The following ZNF57 variants were observed in gnomAD, a reference collection of about 807,000 sequenced individuals.
ZNF57 encodes the protein zinc finger protein 57.
Under a neutral mutation model 13.4 loss-of-function variants are expected in ZNF57, and 11 were observed. The ratio of observed to expected loss-of-function variants is 0.82; its 90% CI spans 0.52 to 1.36. The LOEUF (loss-of-function observed/expected upper bound fraction) is 1.36. ZNF57 is among the 40% of genes most tolerant of loss of function. The probability of loss-of-function intolerance (pLI) is 0.00; values close to 1 mark genes in which losing one functional copy is unlikely to be tolerated. For synonymous variants in ZNF57, 224 were observed against 238.5 expected (o/e 0.94, Z 0.56); for missense variants, 696 against 667.5 (o/e 1.04, Z -0.47).
intron 1 of ZNF57, among the ~76,000 whole-genome samples, chr19:2,905,799 G>C (rs1457053142): frequency 6.8e-6 from 1 of 148,046 alleles, no homozygotes; most frequent in African/African-American, 2.5e-5. Flanking sequence ...CCTCTACCTT[G>C]TTCTGTAGGA....
At position 2,916,911 on chromosome 19, in the gene ZNF57, T is replaced by C. The variant is rs747087079; in HGVS notation, c.303-13T>C. ...AACATACCATACATAAAAATGTCTC[T>C]CATTTTTAACAGAAATCATATGGTG... On this transcript the variant is annotated splice_polypyrimidine_tract_variant and intron_variant, in intron 3 of 3. Coordinates refer to ENST00000306908, the MANE Select transcript of ZNF57 (RefSeq NM_173480.3). The C allele has an allele frequency of 1.4e-4, 215 of 1,549,186 alleles. No homozygotes were observed. Among genetic ancestry groups the C allele is most frequent in the Non-Finnish European group, 1.8e-4 (207 of 1,148,146 alleles).
chr19:2,916,406 A>T, intron 3 of ZNF57, 157 bp downstream of exon 3: 1 of 702,912 alleles, frequency 1.4e-6, no homozygotes, highest in Non-Finnish European at 2.2e-6. Flanking sequence ...AATTTGAAAC[A>T]TAATTGTTAG....
At chr19:2,905,567 A>G (rs2088067616) in intron 1 of ZNF57, among the ~76,000 whole-genome samples, 1 of 151,438 alleles carries the variant, frequency 6.6e-6, no homozygotes, top group Admixed American at 6.6e-5. Flanking sequence ...GATCGAGACC[A>G]TCCTGGCTAA....
In ZNF57 at chr19:2,905,411, C is replaced by CG. The variant is rs1555677381; in HGVS notation, c.3+4363_3+4364insG. On this transcript the variant is annotated intron_variant, in intron 1 of 3. Transcript: ENST00000306908. ...AACTCTTGACTTCAGGTGATCGCCC[C>CG]CCCCCCCTCGGCATTCCAAAGTATT... Among the ~76,000 whole-genome samples, 7 of 68,186 alleles carry CG rather than the reference C, an allele frequency of 1.0e-4. 2 individuals carry two copies. The highest frequency in any genetic ancestry group is 5.3e-4 in the East Asian group (2 of 3,788). 44.7% of individuals were successfully genotyped at this position (68,186 alleles called of 152,430 possible).
Position 2,917,003 on chromosome 19 carries a change from AC to A in ZNF57, c.385del (p.Leu129CysfsTer87). ...AGCCATCCATCAAATGCCAGATCTT[AC>A]CCTGCACAAGAAAGTTTCTGCTGGA... ...GEAIHQMPDLTLHKKVSAGEK... is the reference protein window; with the variant it reads ...GEAIHQMPDLXLHKKVSAGEK... On this transcript the variant is annotated frameshift_variant, in exon 4 of 4. Transcript: ENST00000306908. LOFTEE classifies it low-confidence loss of function (END_TRUNC). 3.7e-6 allele frequency: 6 copies of A among 1,614,180 alleles called. No individual in the cohort carries two copies. Among genetic ancestry groups the A allele is most frequent in the Non-Finnish European group, 4.2e-6 (5 of 1,180,032 alleles).
chr19:2,907,788 A>C (rs1436079541), intron 1 of ZNF57, among the ~76,000 whole-genome samples: 2 of 152,230 alleles, frequency 1.3e-5, no homozygotes, highest in Non-Finnish European at 2.9e-5. Context: ...ATCACAGCTC[A>C]CTGAAACCTC....
At chr19:2,915,398 C>T (rs1401649755) in intron 1 of ZNF57, 124 bp from the exon 2 acceptor site, 4 of 1,291,590 alleles carry the variant, frequency 3.1e-6, no homozygotes, top group Non-Finnish European at 4.3e-6. Flanking sequence ...AAAGATCTAA[C>T]ATTCGCGTCA....
chr19:2,902,047 G>A (rs2088034755), intron 1 of ZNF57, among the ~76,000 whole-genome samples: 1 of 151,496 alleles, frequency 6.6e-6, no homozygotes, highest in Non-Finnish European at 1.5e-5. Context: ...TCACAAGGGC[G>A]AGGAGGACGT....
At position 2,918,392 on chromosome 19, in the gene ZNF57, T is replaced by A; in HGVS notation, c.*103T>A. On this transcript the variant is annotated 3_prime_UTR_variant, in exon 4 of 4. Transcript: ENST00000306908. ...GAAATCTTACAAGTATGATATTGTC[T>A]TTGTCAATACCTCATTTGTAAAACA... 7.9e-7 allele frequency: 1 copy of A among 1,266,536 alleles called. No homozygotes were observed. The highest frequency in any genetic ancestry group is 1.1e-6 in the Non-Finnish European group (1 of 924,856). The allele number at this position is 1,266,536 out of a possible 1,614,324, so 78.5% of individuals were successfully genotyped here.
At chr19:2,902,594 T>C (rs145921097) in intron 1 of ZNF57, among the ~76,000 whole-genome samples, 53 of 152,240 alleles carry the variant, frequency 3.5e-4, no homozygotes, top group African/African-American at 9.9e-4. Flanking sequence ...CAAAAAATAA[T>C]AGTTATTCTT....
chr19:2,900,950 C>G lies in ZNF57; in HGVS notation c.-96C>G, dbSNP rs1230176880. ...GTCCTCCCTGCCGCGCGTGCCCTGC[C>G]TACCACGAGCGGCCCGGGAGTACCT... On this transcript the variant is annotated 5_prime_UTR_variant, in exon 1 of 4. Transcript: ENST00000306908. The G allele has an allele frequency of 5.3e-6, 8 of 1,498,438 alleles. No homozygotes were observed. The highest frequency in any genetic ancestry group is 7.2e-6 in the Non-Finnish European group (8 of 1,107,564). The allele number at this position is 1,498,438 out of a possible 1,614,324, so 92.8% of individuals were successfully genotyped here.
chr19:2,917,594 G>C lies in ZNF57; in HGVS notation c.973G>C (p.Val325Leu), dbSNP rs1486202552. 6.2e-7 allele frequency: 1 copy of C among 1,613,534 alleles called. No individual in the cohort carries two copies. The highest frequency in any genetic ancestry group is 8.5e-7 in the Non-Finnish European group (1 of 1,179,720). ...KTFSWSETLR[V>L]HMRIHTGDKL... The stretch of plus-strand genomic sequence containing the variant: ...ATTCAGTTGGTCTGAAACCTTGCGA[G>C]TCCACATGAGGATCCACACTGGGGA... Residue 325 changes from valine (V) to leucine (L), a missense_variant, in exon 4 of 4, where the codon GTC (valine) becomes CTC (leucine). Transcript: ENST00000306908.
intron 1 of ZNF57, among the ~76,000 whole-genome samples, chr19:2,907,454 T>G (rs1000970805): frequency 1.3e-5 from 2 of 152,150 alleles, no homozygotes; most frequent in African/African-American, 4.8e-5. Flanking sequence ...CCAGCTACCC[T>G]CTTGCACTTC....
At chr19:2,901,806 C>G (rs2088032647) in intron 1 of ZNF57, among the ~76,000 whole-genome samples, 2 of 152,160 alleles carry the variant, frequency 1.3e-5, no homozygotes, top group South Asian at 4.1e-4. Flanking sequence ...CGTGAGCCAC[C>G]GCGCCCGGCA....
chr19:2,917,836 A>G lies in ZNF57; in HGVS notation c.1215A>G (p.Arg405=), dbSNP rs750140720. The G allele has an allele frequency of 2.1e-5, 34 of 1,604,070 alleles. No individual in the cohort carries two copies. Among genetic ancestry groups the G allele is most frequent in the Non-Finnish European group, 3.4e-6 (4 of 1,175,478 alleles). ...GTGGGAAGGCTTTTACCTCTTCCAGATCATTCCGAGGTCATTTGAGGACGC... is the reference window on the plus strand; with the variant it reads ...GTGGGAAGGCTTTTACCTCTTCCAGGTCATTCCGAGGTCATTTGAGGACGC... The part of the protein sequence containing the change: ...EQCGKAFTSS[R]SFRGHLRTHT... Residue 405 remains arginine (R), a synonymous_variant, in exon 4 of 4, where the codon AGA becomes AGG. Coordinates refer to ENST00000306908, the MANE Select transcript of ZNF57 (RefSeq NM_173480.3).
intron 1 of ZNF57, among the ~76,000 whole-genome samples, chr19:2,912,824 TTA>T (rs1182776270): frequency 2.0e-5 from 3 of 152,220 alleles, no homozygotes; most frequent in Non-Finnish European, 2.9e-5. Context: ...ATTTTCTTTT[TTA>T]GTTTTTTATT....
chr19:2,916,934 G>T lies in ZNF57; in HGVS notation c.313G>T (p.Val105Leu), dbSNP rs1353134877. ...DHHKNLRNHM[V>L]DRFCTHNEGN... The stretch of plus-strand genomic sequence containing the variant: ...TCTCATTTTTAACAGAAATCATATG[G>T]TGGACAGATTCTGTACACATAATGA... Residue 105 changes from valine (V) to leucine (L), a missense_variant, in exon 4 of 4, where the codon GTG (valine) becomes TTG (leucine). By Grantham distance (32) the Val-to-Leu change is conservative. This residue lies in a region of ZNF57 where 645 missense variants were observed against 591.5 expected (regional missense o/e 1.09). Coordinates refer to ENST00000306908, the MANE Select transcript of ZNF57 (RefSeq NM_173480.3). The T allele has an allele frequency of 6.3e-7, 1 of 1,575,914 alleles. No homozygotes were observed. The highest frequency in any genetic ancestry group is 1.2e-5 in the South Asian group (1 of 85,752).
Position 2,917,511 on chromosome 19 carries a change from G to C in ZNF57, c.890G>C (p.Arg297Thr), listed in dbSNP as rs61754927. The C allele has an allele frequency of 6.2e-7, 1 of 1,613,460 alleles. No homozygotes were observed. Among genetic ancestry groups the C allele is most frequent in the East Asian group, 2.2e-5 (1 of 44,838 alleles). Reference sequence around the variant, plus strand: ...TTCACTTACCCCCAGGCTTTTCAAAGACATGAGAAGACGCACACGGGAGAG... The same window carrying C: ...TTCACTTACCCCCAGGCTTTTCAAACACATGAGAAGACGCACACGGGAGAG... ...KAFTYPQAFQ[R>T]HEKTHTGEKP... Residue 297 changes from arginine to threonine, a missense_variant, in exon 4 of 4, where the codon AGA becomes ACA. Arg to Thr is a moderately conservative substitution (Grantham distance 71). Coordinates refer to ENST00000306908, the MANE Select transcript of ZNF57 (RefSeq NM_173480.3).
At chr19:2,905,015 A>G (rs888872229) in intron 1 of ZNF57, among the ~76,000 whole-genome samples, 2 of 152,188 alleles carry the variant, frequency 1.3e-5, no homozygotes, top group African/African-American at 2.4e-5. Context: ...TCCCATAGAT[A>G]GCATCTCTCC....
Sources: allele counts gnomAD v4.1 joint callset (sites outside exome capture counted in the v4.1 genomes callset), GRCh38; gene constraint gnomAD v4.1.1; regional missense constraint gnomAD v4.1.1; transcripts MANE v1.5; gene names NCBI Gene and HGNC (gene_info 2026-07-23, HGNC 2026-07-21).